Variants in ZNF407 observed in about 807,000 individuals in gnomAD.
ZNF407 encodes the protein zinc finger protein 407.
ZNF407 carries 17 observed loss-of-function variants against 131.2 expected under a neutral mutation model. The ratio of observed to expected loss-of-function variants is 0.13; its 90% CI spans 0.09 to 0.19. The LOEUF (loss-of-function observed/expected upper bound fraction) is 0.19, where lower values mean the gene tolerates loss of function less well. Among genes scored for constraint, ZNF407 ranks in the 10% least tolerant of loss-of-function variants. ZNF407 has a pLI of 1.00. For missense variants in ZNF407, 2,681 were observed against 2,830.6 expected (o/e 0.95, Z 1.20); for synonymous variants, 1,156 against 1,062.0 (o/e 1.09, Z -1.72).
chr18:74,776,495 C>T (rs1408793213), intron 3 of ZNF407, among the ~76,000 whole-genome samples: 1 of 152,164 alleles, frequency 6.6e-6, no homozygotes, highest in Non-Finnish European at 1.5e-5. Context: ...CTTTCCATTT[C>T]ACCGTGCTAA....
At chr18:74,993,326 C>T (rs1013837568) in intron 8 of ZNF407, among the ~76,000 whole-genome samples, 1 of 152,128 alleles carries the variant, frequency 6.6e-6, no homozygotes, top group African/African-American at 2.4e-5. Flanking sequence ...AAAATGAAGG[C>T]ACTATGGATG....
rs370098885 is a variant in ZNF407, at chr18:74,814,314, T to C, written c.4877+32812T>C. ...ACACCCAGCTAATGATTTTACTTTT[T>C]GTAGACACAAAGTCTCACTATGTTG... On this transcript the variant is annotated intron_variant, in intron 4 of 8. Transcript: ENST00000299687. Among the ~76,000 whole-genome samples the C allele has an allele frequency of 3.9e-5, 6 of 152,218 alleles. No homozygotes were observed. The South Asian group carries it at 6.2e-4, about 16-fold the overall frequency.
chr18:74,962,622 G>A (rs1972359604), intron 8 of ZNF407, among the ~76,000 whole-genome samples: 2 of 152,192 alleles, frequency 1.3e-5, no homozygotes, highest in South Asian at 4.1e-4. Context: ...AATATGCCAT[G>A]CCCAGTCCTC....
At chr18:74,627,370 T>TACAGTG (rs1282069564) in intron 1 of ZNF407, among the ~76,000 whole-genome samples, 3 of 152,230 alleles carry the variant, frequency 2.0e-5, no homozygotes. Flanking sequence ...CTGTAGGCAC[T>TACAGTG]AAGTGAAGGT....
At chr18:74,726,352 A>G (rs1295264236) in intron 3 of ZNF407, among the ~76,000 whole-genome samples, 1 of 152,202 alleles carries the variant, frequency 6.6e-6, no homozygotes, top group Non-Finnish European at 1.5e-5. Flanking sequence ...CTATGTAGAG[A>G]ACTGTATAGG....
chr18:74,644,221 A>G (rs948958070), intron 3 of ZNF407, among the ~76,000 whole-genome samples: 2 of 84,372 alleles, frequency 2.4e-5, no homozygotes, highest in African/African-American at 9.3e-5. Flanking sequence ...CTTACTTGTT[A>G]AAAATATCCA....
intron 1 of ZNF407, among the ~76,000 whole-genome samples, chr18:74,600,660 A>G (rs1358453858): frequency 3.9e-5 from 6 of 152,244 alleles, no homozygotes; most frequent in Non-Finnish European, 8.8e-5. Context: ...AATGGCGACC[A>G]GAGAATGAAC....
At chr18:74,754,543 A>G (rs1384258454) in intron 3 of ZNF407, among the ~76,000 whole-genome samples, 2 of 152,092 alleles carry the variant, frequency 1.3e-5, no homozygotes, top group African/African-American at 4.8e-5. Flanking sequence ...ATTCTGGTAC[A>G]TTGTGTCTTT....
At chr18:74,864,159 A>G (rs1970977604) in intron 4 of ZNF407, among the ~76,000 whole-genome samples, 1 of 152,150 alleles carries the variant, frequency 6.6e-6, no homozygotes, top group Non-Finnish European at 1.5e-5. Flanking sequence ...TAGTTTTTTC[A>G]AAGATTACTC....
chr18:74,849,899 T>C (rs1214192056), intron 4 of ZNF407, among the ~76,000 whole-genome samples: 2 of 152,246 alleles, frequency 1.3e-5, no homozygotes, highest in Non-Finnish European at 2.9e-5. Flanking sequence ...CATTTTGTTT[T>C]TACTGGTCTT....
At chr18:75,033,657 G>A (rs931436932) in intron 8 of ZNF407, among the ~76,000 whole-genome samples, 5 of 152,178 alleles carry the variant, frequency 3.3e-5, no homozygotes, top group Non-Finnish European at 7.3e-5. Flanking sequence ...CTGAACCAAG[G>A]TGCAGAGTAA....
At chr18:74,750,344 G>A (rs1968771403) in intron 3 of ZNF407, among the ~76,000 whole-genome samples, 1 of 152,110 alleles carries the variant, frequency 6.6e-6, no homozygotes, top group African/African-American at 2.4e-5. Flanking sequence ...CTAAATGAGT[G>A]GTGCAGTATG....
intron 4 of ZNF407, among the ~76,000 whole-genome samples, chr18:74,823,540 A>G (rs561060327): frequency 6.6e-6 from 1 of 152,264 alleles, no homozygotes; most frequent in East Asian, 1.9e-4. Flanking sequence ...ATGGAAAGCA[A>G]AAAAAAGCAG....
At chr18:74,881,670 G>A (rs1376985654) in intron 6 of ZNF407, among the ~76,000 whole-genome samples, 2 of 152,088 alleles carry the variant, frequency 1.3e-5, no homozygotes, top group Non-Finnish European at 2.9e-5. Context: ...GTTGTTCTTG[G>A]TATTAAAAAT....
chr18:74,752,855 T>C (rs527316189), intron 3 of ZNF407, among the ~76,000 whole-genome samples: 1 of 152,306 alleles, frequency 6.6e-6, no homozygotes, highest in South Asian at 2.1e-4. Context: ...CTTGGCAATG[T>C]GGGCTCTTTT....
At chr18:74,950,939 T>C (rs1297400200) in intron 8 of ZNF407, among the ~76,000 whole-genome samples, 1 of 152,234 alleles carries the variant, frequency 6.6e-6, no homozygotes, top group Non-Finnish European at 1.5e-5. Context: ...TGGGACCGAA[T>C]TGATTGTCTC....
In ZNF407 at chr18:75,064,192, G is replaced by T; in HGVS notation, c.6471G>T (p.Gln2157His). The change falls in exon 9 of 9, where the codon CAG becomes CAT. Residue 2157 changes from glutamine to histidine, a missense_variant. Physicochemically the swap from Gln to His is conservative, Grantham distance 24 (BLOSUM62 0). This residue lies in a region of ZNF407 where 620 missense variants were observed against 583.1 expected (regional missense o/e 1.06). Transcript: ENST00000299687. ...VTEELVQAMV[Q>H]ESSGGFSEGT... ...AGGAGCTGGTCCAGGCCATGGTGCA[G>T]GAGTCCAGTGGCGGCTTCTCCGAGG... The T allele has an allele frequency of 6.2e-7, 1 of 1,604,548 alleles. No homozygotes were observed.
intron 8 of ZNF407, among the ~76,000 whole-genome samples, chr18:75,047,905 G>A (rs1254361803): frequency 6.6e-6 from 1 of 152,216 alleles, no homozygotes. Context: ...AAAAATACCT[G>A]ATGACGTTTA....
chr18:74,689,726 A>G lies in ZNF407; in HGVS notation c.4802+48604A>G, dbSNP rs1376771618. Among the ~76,000 whole-genome samples the G allele has an allele frequency of 4.9e-4, 75 of 152,208 alleles. 1 individual carries two copies. The highest frequency in any genetic ancestry group is 2.9e-5 in the Non-Finnish European group (2 of 68,038). Reference sequence around the variant, plus strand: ...CTTGCCTCAGGAGCTGAAGTTGCCCATGTCAAAAGGAAAATGTCTTACAAA... The same window carrying G: ...CTTGCCTCAGGAGCTGAAGTTGCCCGTGTCAAAAGGAAAATGTCTTACAAA... On this transcript the variant is annotated intron_variant, in intron 3 of 8. Transcript: ENST00000299687.
Sources: allele counts gnomAD v4.1 joint callset (sites outside exome capture counted in the v4.1 genomes callset), GRCh38; gene constraint gnomAD v4.1.1; regional missense constraint gnomAD v4.1.1; transcripts MANE v1.5; gene names NCBI Gene and HGNC (gene_info 2026-07-23, HGNC 2026-07-21).